The following GNAO1 variants were observed in gnomAD, a reference collection of about 807,000 sequenced individuals.
GNAO1 encodes G protein subunit alpha o1, also known as guanine nucleotide-binding protein G(o) subunit alpha.
For synonymous variants in GNAO1, 164 were observed against 180.7 expected, an observed-to-expected ratio of 0.91 and a Z score of 0.74; for missense variants, 166 against 478.7, an observed-to-expected ratio of 0.35 and a Z score of 6.10.
At chr16:56,340,580 T>C (rs1174469367) in intron 6 of GNAO1, 6 of 466,150 alleles carry the variant, frequency 1.3e-5, no homozygotes, top group African/African-American at 1.2e-4. Context: ...CCAGCTCTCT[T>C]TGGAAGGGGG....
Position 56,191,494 on chromosome 16 carries a change from T to A in GNAO1, c.-742T>A, listed in dbSNP as rs1211790670. 6.7e-6 allele frequency: 1 copy of A among 149,480 alleles called. No homozygotes were observed. The highest frequency in any genetic ancestry group is 1.5e-5 in the Non-Finnish European group (1 of 67,480). 9.3% of individuals were successfully genotyped at this position (149,480 alleles called of 1,614,324 possible). ...CCCTCCCTCCCTGCCTCTCTCTCTC[T>A]CCCTCTCCCTCGAGCTCCCGGCTGG... On this transcript the variant is annotated 5_prime_UTR_variant, in exon 1 of 9. Coordinates refer to ENST00000262493, the MANE Select transcript of GNAO1 (RefSeq NM_020988.3). The surrounding 1 kb of genome is among the most constrained non-coding windows in gnomAD (Gnocchi z 4.7).
chr16:56,263,261 G>A (rs56373221), intron 2 of GNAO1, among the ~76,000 whole-genome samples: 31,047 of 152,080 alleles, frequency 0.2, 3,452 homozygotes, highest in East Asian at 0.37. Context: ...CACCTTCACA[G>A]AAAGGAGTTA....
intron 2 of GNAO1, among the ~76,000 whole-genome samples, chr16:56,236,754 A>G (rs184374895): frequency 3.5e-4 from 53 of 152,320 alleles, no homozygotes; most frequent in Admixed American, 2.8e-3. Flanking sequence ...CCAAATACCT[A>G]TGGCTTTGAG....
chr16:56,228,381 G>A (rs1291783833), intron 2 of GNAO1, among the ~76,000 whole-genome samples: 3 of 151,904 alleles, frequency 2.0e-5, no homozygotes, highest in African/African-American at 4.8e-5. Context: ...GTGTATATAC[G>A]TGAGTGTGTG....
chr16:56,244,207 A>G (rs1378409726), intron 2 of GNAO1, among the ~76,000 whole-genome samples: 2 of 152,186 alleles, frequency 1.3e-5, no homozygotes, highest in Admixed American at 1.3e-4. Flanking sequence ...AACTGTCAGG[A>G]TGACCACCTA....
Position 56,319,444 on chromosome 16 carries a change from G to T in GNAO1, c.304-9187G>T, listed in dbSNP as rs187415069. Among the ~76,000 whole-genome samples, 27 of 152,242 alleles carry T rather than the reference G, an allele frequency of 1.8e-4. No homozygotes were observed. The East Asian group carries it at 5.2e-3, about 29-fold the overall frequency. Reference sequence around the variant, plus strand: ...TGGGTAGGAGCTGGGTACACAGGGGGCAGGGCCCTGACTGGGCTCTGGGAG... The same window carrying T: ...TGGGTAGGAGCTGGGTACACAGGGGTCAGGGCCCTGACTGGGCTCTGGGAG... On this transcript the variant is annotated intron_variant, in intron 3 of 8. Coordinates refer to ENST00000262493, the MANE Select transcript of GNAO1 (RefSeq NM_020988.3).
intron 3 of GNAO1, among the ~76,000 whole-genome samples, chr16:56,317,451 A>G (rs1183200056): frequency 1.3e-5 from 2 of 152,214 alleles, no homozygotes; most frequent in African/African-American, 2.4e-5. Context: ...GCAGGTGTAA[A>G]TGGATACATA....
At chr16:56,335,697 TC>T (rs1253505346) in intron 5 of GNAO1, among the ~76,000 whole-genome samples, 1 of 152,182 alleles carries the variant, frequency 6.6e-6, no homozygotes, top group Admixed American at 6.5e-5. Flanking sequence ...TCTCTTGCCT[TC>T]CCAGGCTCCT....
intron 2 of GNAO1, among the ~76,000 whole-genome samples, chr16:56,214,184 G>C (rs779174873): frequency 1.3e-5 from 2 of 152,184 alleles, no homozygotes; most frequent in Non-Finnish European, 2.9e-5. Context: ...TTGCCTTGCT[G>C]GTCTCCTAGT....
chr16:56,261,284 C>T (rs981947205), intron 2 of GNAO1, among the ~76,000 whole-genome samples: 1 of 152,176 alleles, frequency 6.6e-6, no homozygotes, highest in African/African-American at 2.4e-5. Context: ...CTGAGAAGGG[C>T]GTCTTTTGTC....
chr16:56,260,488 G>A (rs1364718282), intron 2 of GNAO1, among the ~76,000 whole-genome samples: 4 of 152,262 alleles, frequency 2.6e-5, no homozygotes, highest in Non-Finnish European at 5.9e-5. Context: ...CATGATGAAG[G>A]CTGAGCATAC....
At chr16:56,192,741 C>CAT (rs1263120508) in intron 2 of GNAO1, 125 bp downstream of exon 2, 28 of 675,112 alleles carry the variant, frequency 4.1e-5, no homozygotes, top group Non-Finnish European at 6.6e-5. Flanking sequence ...CACACACACA[C>CAT]ACACACACAC....
At chr16:56,205,474 T>A (rs571188003) in intron 2 of GNAO1, among the ~76,000 whole-genome samples, 1 of 152,266 alleles carries the variant, frequency 6.6e-6, no homozygotes, top group African/African-American at 2.4e-5. Context: ...GTGGCCTCAT[T>A]GGTGGGAGGA....
chr16:56,216,025 T>C (rs2036433883), intron 2 of GNAO1, among the ~76,000 whole-genome samples: 1 of 152,190 alleles, frequency 6.6e-6, no homozygotes, highest in South Asian at 2.1e-4. Context: ...TTTTTAGCTC[T>C]CCAGCAGGTG....
At position 56,216,364 on chromosome 16, in the gene GNAO1, G is replaced by A. The variant is rs145301337; in HGVS notation, c.161+23748G>A. ...TTCCACTGGGAGGGCCACTCAGCCG[G>A]GGGAGGTATTTGAACCCTTAAAAGT... On this transcript the variant is annotated intron_variant, in intron 2 of 8. Coordinates refer to ENST00000262493, the MANE Select transcript of GNAO1 (RefSeq NM_020988.3). 5.3e-3 allele frequency among the ~76,000 whole-genome samples: 809 copies of A among 152,272 alleles called. 6 individuals carry two copies. Among genetic ancestry groups the A allele is most frequent in the African/African-American group, 0.018 (745 of 41,532 alleles).
chr16:56,227,601 T>TGCCAAGG, intron 2 of GNAO1, among the ~76,000 whole-genome samples: 1 of 140,044 alleles, frequency 7.1e-6, no homozygotes, highest in Non-Finnish European at 1.5e-5. Flanking sequence ...GGCAAGACGA[T>TGCCAAGG]CACTTAAGCC....
intron 2 of GNAO1, among the ~76,000 whole-genome samples, chr16:56,209,808 C>T (rs543052766): frequency 2.0e-5 from 3 of 152,184 alleles, no homozygotes; most frequent in African/African-American, 7.2e-5. Flanking sequence ...ATACGTCCCT[C>T]CCCACACACA....
intron 2 of GNAO1, among the ~76,000 whole-genome samples, chr16:56,262,640 C>G (rs1396919238): frequency 6.6e-6 from 1 of 152,170 alleles, no homozygotes; most frequent in Non-Finnish European, 1.5e-5. Flanking sequence ...GCTATGCAGA[C>G]TGCTCCCAAT....
intron 2 of GNAO1, among the ~76,000 whole-genome samples, chr16:56,207,159 G>A (rs1441711900): frequency 8.5e-5 from 13 of 152,210 alleles, no homozygotes. Context: ...AGAAACTGAG[G>A]CGAAAATAAT....
Sources: allele counts gnomAD v4.1 joint callset (sites outside exome capture counted in the v4.1 genomes callset), GRCh38; gene constraint gnomAD v4.1.1; non-coding constraint Gnocchi (gnomAD v3.1); transcripts MANE v1.5; gene names NCBI Gene and HGNC (gene_info 2026-07-23, HGNC 2026-07-21).